Variants in FCRL1 observed in about 807,000 individuals in gnomAD.
The protein encoded by FCRL1 is Fc receptor like 1.
In FCRL1, 34 loss-of-function variants were observed where a neutral mutation model predicts 49.2. That is an observed-to-expected ratio of 0.69 (90% confidence interval 0.53 to 0.92). The LOEUF is 0.92. Ranked by LOEUF, FCRL1 falls within the 40% of genes least tolerant of loss-of-function variation. FCRL1 has a pLI of 0.00. For synonymous variants in FCRL1, 218 were observed against 201.6 expected, an observed-to-expected ratio of 1.08 and a Z score of -0.69; for missense variants, 524 against 524.1, an observed-to-expected ratio of 1.00 and a Z score of 0.00.
chr1:157,804,248 C>CG (rs955517116), intron 2 of FCRL1, 137 bp from the exon 3 acceptor site: 11 of 941,342 alleles, frequency 1.2e-5, no homozygotes, highest in African/African-American at 1.0e-4. Flanking sequence ...ATGTCTCCAC[C>CG]CCCCCCCCAG....
intron 2 of FCRL1, among the ~76,000 whole-genome samples, chr1:157,806,388 T>C (rs920226050): frequency 3.3e-5 from 5 of 152,242 alleles, no homozygotes; most frequent in Non-Finnish European, 7.3e-5. Flanking sequence ...TAGTATTTTC[T>C]GCACAAGATA....
chr1:157,814,679 A>T (rs1414870648), intron 1 of FCRL1, among the ~76,000 whole-genome samples: 1 of 152,038 alleles, frequency 6.6e-6, no homozygotes, highest in Non-Finnish European at 1.5e-5. Context: ...GAGTGGCTGA[A>T]TGGATTTTAA....
chr1:157,808,979 T>C (rs1294838780), intron 1 of FCRL1, among the ~76,000 whole-genome samples: 1 of 152,166 alleles, frequency 6.6e-6, no homozygotes, highest in South Asian at 2.1e-4. Flanking sequence ...GGTTAAGTTT[T>C]GTGGTGGTGG....
intron 1 of FCRL1, among the ~76,000 whole-genome samples, chr1:157,810,300 C>CTTT (rs546970268): frequency 1.4e-4 from 20 of 146,162 alleles, no homozygotes; most frequent in Admixed American, 6.8e-5. Flanking sequence ...TTTCTTTTTT[C>CTTT]TTTTTTTTTT....
chr1:157,813,338 G>A (rs1349791865), intron 1 of FCRL1, among the ~76,000 whole-genome samples: 1 of 152,028 alleles, frequency 6.6e-6, no homozygotes, highest in Non-Finnish European at 1.5e-5. Context: ...CAGATGAAAA[G>A]TTCAATAAAA....
rs762865680 is a variant in FCRL1, at chr1:157,802,548, G to A, written c.436C>T (p.Leu146Phe). 5.6e-6 allele frequency: 9 copies of A among 1,614,206 alleles called. No individual in the cohort carries two copies. The highest frequency in any genetic ancestry group is 1.7e-5 in the Admixed American group (1 of 60,030). Residue 146 changes from leucine (L) to phenylalanine (F), a missense_variant, in exon 4 of 11, where the codon CTT (leucine) becomes TTT (phenylalanine). Leu to Phe is a conservative substitution (Grantham distance 22). Coordinates refer to ENST00000368176, the MANE Select transcript of FCRL1 (RefSeq NM_052938.5). ...VAMGTGDITF[L>F]WYKGAVGLNL... is the part of the protein sequence containing the mutation. ...AAACCTACAGCCCCTTTGTACCAAA[G>A]GAAGGTGATGTCTCCTGTGCCCATA...
chr1:157,798,449 G>T (rs561573790), intron 7 of FCRL1, among the ~76,000 whole-genome samples: 2 of 152,124 alleles, frequency 1.3e-5, no homozygotes, highest in East Asian at 3.9e-4. Context: ...ATGCACCAGC[G>T]GGTAACTCCA....
At chr1:157,796,717 G>A (rs897947764) in intron 10 of FCRL1, among the ~76,000 whole-genome samples, 11 of 152,152 alleles carry the variant, frequency 7.2e-5, no homozygotes, top group Non-Finnish European at 2.9e-5. Flanking sequence ...TATTAGCTTA[G>A]GTTTGTTCAA....
chr1:157,800,160 C>CT, intron 6 of FCRL1, 75 bp from the exon 7 acceptor site: 1 of 1,453,634 alleles, frequency 6.9e-7, no homozygotes, highest in Non-Finnish European at 9.6e-7. Flanking sequence ...TTTTCATACC[C>CT]CCTGCACAGG....
chr1:157,809,785 G>A (rs939495870), intron 1 of FCRL1, among the ~76,000 whole-genome samples: 1 of 152,132 alleles, frequency 6.6e-6, no homozygotes, highest in Admixed American at 6.5e-5. Context: ...TTAGCTGAGT[G>A]TGGTTGCATG....
chr1:157,801,945 G>A lies in FCRL1; in HGVS notation c.856C>T (p.Arg286Cys), dbSNP rs756516538. 15 of 1,613,978 alleles carry A rather than the reference G, an allele frequency of 9.3e-6. No individual in the cohort carries two copies. Among genetic ancestry groups the A allele is most frequent in the African/African-American group, 5.3e-5 (4 of 74,944 alleles). The change falls in exon 5 of 11, where the codon CGC becomes TGC. Residue 286 changes from arginine to cysteine, a missense_variant. Arg to Cys is a radical substitution (Grantham distance 180). Coordinates refer to ENST00000368176, the MANE Select transcript of FCRL1 (RefSeq NM_052938.5). ...CEANNGLGAQ[R>C]SEAVTLNFTV... ...AAGTTGAGTGTCACCGCCTCACTGCGCTGGGCCCCCAGGCCATTGTTGGCC... is the reference window on the plus strand; with the variant it reads ...AAGTTGAGTGTCACCGCCTCACTGCACTGGGCCCCCAGGCCATTGTTGGCC...
intron 9 of FCRL1, 54 bp from the exon 10 acceptor site, chr1:157,797,186 C>T (rs2101810416): frequency 2.6e-6 from 4 of 1,549,566 alleles, no homozygotes; most frequent in Non-Finnish European, 3.6e-6. Context: ...AAGTCCTTCA[C>T]TAAACTTGTG....
intron 1 of FCRL1, among the ~76,000 whole-genome samples, chr1:157,818,261 A>G (rs1353290125): frequency 6.6e-6 from 1 of 152,170 alleles, no homozygotes; most frequent in Non-Finnish European, 1.5e-5. Context: ...GTAGATGTTC[A>G]TCAAAAAATT....
intron 2 of FCRL1, among the ~76,000 whole-genome samples, chr1:157,804,856 T>C (rs1411621022): frequency 7.2e-6 from 1 of 138,018 alleles, no homozygotes; most frequent in Non-Finnish European, 1.6e-5. Flanking sequence ...CTTTTCTTTT[T>C]CTTTTTTTTT....
At chr1:157,817,376 A>G (rs1229411388) in intron 1 of FCRL1, among the ~76,000 whole-genome samples, 1 of 152,280 alleles carries the variant, frequency 6.6e-6, no homozygotes, top group East Asian at 1.9e-4. Flanking sequence ...AAATCCACAC[A>G]TTTATAGCCC....
At chr1:157,804,972 AC>A (rs1653187648) in intron 2 of FCRL1, among the ~76,000 whole-genome samples, 1 of 150,146 alleles carries the variant, frequency 6.7e-6, no homozygotes, top group Non-Finnish European at 1.5e-5. Flanking sequence ...CAGTCATCCC[AC>A]CTCAGCCTCT....
chr1:157,810,387 C>G (rs533191916), intron 1 of FCRL1, among the ~76,000 whole-genome samples: 2 of 151,626 alleles, frequency 1.3e-5, no homozygotes, highest in South Asian at 4.2e-4. Flanking sequence ...ACCTCTACCT[C>G]ACAAGTTCAT....
At chr1:157,812,166 G>T (rs1386724725) in intron 1 of FCRL1, among the ~76,000 whole-genome samples, 1 of 152,182 alleles carries the variant, frequency 6.6e-6, no homozygotes, top group Non-Finnish European at 1.5e-5. Flanking sequence ...GTATTACTCT[G>T]CCCTTCTCAG....
chr1:157,815,488 C>T (rs899815340), intron 1 of FCRL1, among the ~76,000 whole-genome samples: 23 of 151,754 alleles, frequency 1.5e-4, no homozygotes, highest in African/African-American at 5.6e-4. Context: ...CAGTGAATGC[C>T]TACATCAAAA....
Sources: allele counts gnomAD v4.1 joint callset (sites outside exome capture counted in the v4.1 genomes callset), GRCh38; gene constraint gnomAD v4.1.1; transcripts MANE v1.5; gene names NCBI Gene and HGNC (gene_info 2026-07-23, HGNC 2026-07-21).